GRIN2A: variants seen among roughly 807,000 people sequenced by gnomAD.
The protein encoded by GRIN2A is glutamate receptor ionotropic, NMDA 2A.
Under a neutral mutation model 113.4 loss-of-function variants are expected in GRIN2A, and 22 were observed. The observed-to-expected ratio is 0.19, with a 90% CI of 0.14 to 0.28. GRIN2A has a LOEUF of 0.28. GRIN2A is among the 10% of genes least tolerant of loss of function. The pLI is 1.00. For synonymous variants in GRIN2A, 827 were observed against 738.4 expected (o/e 1.12, Z -1.94); for missense variants, 1,502 against 1,887.0 (o/e 0.80, Z 3.78).
At chr16:10,099,269 G>C (rs1009319300) in intron 2 of GRIN2A, among the ~76,000 whole-genome samples, 7 of 152,104 alleles carry the variant, frequency 4.6e-5, no homozygotes, top group African/African-American at 1.4e-4. Flanking sequence ...TTACTCAAAA[G>C]CTTGGTGTTT....
intron 2 of GRIN2A, among the ~76,000 whole-genome samples, chr16:10,004,910 A>C (rs916324521): frequency 4.6e-5 from 7 of 152,226 alleles, no homozygotes; most frequent in African/African-American, 1.7e-4. Flanking sequence ...TATTCAGCCT[A>C]CTACACGGGG....
chr16:9,768,188 G>C (rs559160137), intron 12 of GRIN2A, among the ~76,000 whole-genome samples: 1 of 152,228 alleles, frequency 6.6e-6, no homozygotes, highest in East Asian at 1.9e-4. Flanking sequence ...AGCCTCCGGG[G>C]TAGCTGGGAC....
intron 3 of GRIN2A, among the ~76,000 whole-genome samples, chr16:9,897,329 G>C (rs1342720364): frequency 6.6e-6 from 1 of 152,028 alleles, no homozygotes; most frequent in Non-Finnish European, 1.5e-5. Flanking sequence ...TCTTCCCCTT[G>C]TGTTTTGTGC....
intron 2 of GRIN2A, among the ~76,000 whole-genome samples, chr16:10,005,994 C>T (rs1435500245): frequency 6.6e-6 from 1 of 152,188 alleles, no homozygotes; most frequent in Non-Finnish European, 1.5e-5. Context: ...CAGCTTTGGC[C>T]AGCACTGAGC....
intron 3 of GRIN2A, among the ~76,000 whole-genome samples, chr16:9,903,731 G>A (rs748033522): frequency 6.6e-6 from 1 of 152,102 alleles, no homozygotes; most frequent in Non-Finnish European, 1.5e-5. Context: ...TCTTCATGTG[G>A]CACACACCAC....
chr16:9,861,918 T>C (rs1381901763), intron 4 of GRIN2A, among the ~76,000 whole-genome samples: 1 of 152,170 alleles, frequency 6.6e-6, no homozygotes, highest in Non-Finnish European at 1.5e-5. Flanking sequence ...ATGCAACGAT[T>C]GGAGGTGGTG....
At chr16:10,013,943 A>G (rs1292511752) in intron 2 of GRIN2A, among the ~76,000 whole-genome samples, 1 of 152,204 alleles carries the variant, frequency 6.6e-6, no homozygotes, top group Non-Finnish European at 1.5e-5. Flanking sequence ...GCCGTCTCAG[A>G]CCAGCTACCA....
chr16:9,796,453 T>G (rs1421828838), intron 11 of GRIN2A, among the ~76,000 whole-genome samples: 1 of 152,206 alleles, frequency 6.6e-6, no homozygotes, highest in Non-Finnish European at 1.5e-5. Context: ...ACTCTCAGTG[T>G]CCACACTATT....
intron 2 of GRIN2A, among the ~76,000 whole-genome samples, chr16:10,096,659 C>G (rs1411846642): frequency 6.6e-6 from 1 of 151,958 alleles, no homozygotes; most frequent in African/African-American, 2.4e-5. Flanking sequence ...CCAGACACAA[C>G]AGTGAAAGTG....
intron 2 of GRIN2A, among the ~76,000 whole-genome samples, chr16:9,953,403 A>G (rs1185991876): frequency 6.6e-6 from 1 of 152,178 alleles, no homozygotes; most frequent in Non-Finnish European, 1.5e-5. Context: ...TTTTGAATGA[A>G]TGAGTGAGCA....
At chr16:9,988,856 A>G (rs1269109452) in intron 2 of GRIN2A, among the ~76,000 whole-genome samples, 28 of 152,132 alleles carry the variant, frequency 1.8e-4, no homozygotes, top group Admixed American at 1.7e-3. Flanking sequence ...GTAGCCCAAG[A>G]TCCCCCAGAA....
chr16:9,781,313 G>T (rs568938326), intron 11 of GRIN2A, among the ~76,000 whole-genome samples: 2 of 152,250 alleles, frequency 1.3e-5, no homozygotes, highest in Admixed American at 1.3e-4. Context: ...GCTAGATAGT[G>T]GTAAAATTGG....
intron 2 of GRIN2A, among the ~76,000 whole-genome samples, chr16:10,074,034 G>A (rs980148530): frequency 6.6e-6 from 1 of 151,612 alleles, no homozygotes; most frequent in Non-Finnish European, 1.5e-5. Context: ...CTCAACAATA[G>A]AAAGGCGACT....
At chr16:9,959,027 A>AT (rs1264435338) in intron 2 of GRIN2A, among the ~76,000 whole-genome samples, 2 of 152,282 alleles carry the variant, frequency 1.3e-5, no homozygotes, top group South Asian at 2.1e-4. Flanking sequence ...TATGCCCCAA[A>AT]TTTTTACAAC....
At chr16:9,785,828 T>C (rs1902201511) in intron 11 of GRIN2A, among the ~76,000 whole-genome samples, 1 of 152,208 alleles carries the variant, frequency 6.6e-6, no homozygotes, top group South Asian at 2.1e-4. Flanking sequence ...AGTGATTCTA[T>C]TGGATGCAAA....
chr16:9,929,160 C>T (rs1004605250), intron 3 of GRIN2A, among the ~76,000 whole-genome samples: 1 of 152,178 alleles, frequency 6.6e-6, no homozygotes. Context: ...CATCATTCTC[C>T]CCTGCAAGAC....
chr16:9,811,667 G>A (rs765351270), intron 10 of GRIN2A, among the ~76,000 whole-genome samples: 7 of 152,198 alleles, frequency 4.6e-5, no homozygotes, highest in Admixed American at 1.3e-4. Flanking sequence ...GCTGAGGCAC[G>A]AGAATCACTT....
chr16:10,082,921 G>A (rs1444421370), intron 2 of GRIN2A, among the ~76,000 whole-genome samples: 2 of 136,542 alleles, frequency 1.5e-5, no homozygotes, highest in Non-Finnish European at 3.1e-5. Context: ...AAACCTAACT[G>A]GCCCATTTTC....
At chr16:10,111,542 C>T (rs1567306671) in intron 2 of GRIN2A, 5 of 777,196 alleles carry the variant, frequency 6.4e-6, no homozygotes, top group Non-Finnish European at 4.6e-6. Context: ...CTAACTTCAG[C>T]CCTGACCCGG....
Sources: allele counts gnomAD v4.1 joint callset (sites outside exome capture counted in the v4.1 genomes callset), GRCh38; gene constraint gnomAD v4.1.1; transcripts MANE v1.5; gene names NCBI Gene and HGNC (gene_info 2026-07-23, HGNC 2026-07-21).